Variants in STX1A observed in about 807,000 individuals in gnomAD.
STX1A encodes the protein syntaxin 1A.
In STX1A, 4 loss-of-function variants were observed where a neutral mutation model predicts 37.8. That is an observed-to-expected ratio of 0.11 (90% CI 0.05 to 0.24). The LOEUF (loss-of-function observed/expected upper bound fraction) is 0.24, where lower values mean the gene tolerates loss of function less well. Among genes scored for constraint, STX1A ranks in the 10% least tolerant of loss-of-function variants. The probability of loss-of-function intolerance (pLI) is 1.00; values close to 1 mark genes in which losing one functional copy is unlikely to be tolerated. For missense variants in STX1A, 251 were observed against 399.9 expected (o/e 0.63, Z 3.18); for synonymous variants, 135 against 147.4 (o/e 0.92, Z 0.61).
intron 7 of STX1A, 63 bp from the exon 8 acceptor site, chr7:73,703,045 G>A (rs1186083760): frequency 7.5e-7 from 1 of 1,340,140 alleles, no homozygotes; most frequent in Non-Finnish European, 1.0e-6. Flanking sequence ...AGAGGGCCGA[G>A]GGGGAGGGCG....
In STX1A at chr7:73,704,419, G is replaced by A; in HGVS notation, c.288C>T (p.Ile96=). 6.2e-7 allele frequency: 1 copy of A among 1,614,120 alleles called. No homozygotes were observed. The highest frequency in any genetic ancestry group is 8.5e-7 in the Non-Finnish European group (1 of 1,180,020). ...CTTCCTCTTGCTCGATGGACTGCTC[G>A]ATGCCTGGGGGCACAGGTGGCTGCT... ...ANKVRSKLKS[I]EQSIEQEEGL... The change falls in exon 5 of 10, where the codon ATC becomes ATT. Residue 96 remains isoleucine (I), a synonymous_variant. Coordinates refer to ENST00000222812, the MANE Select transcript of STX1A (RefSeq NM_004603.4).
rs1454578690 is a variant in STX1A, at chr7:73,702,104, T to G, written c.678+741A>C. The stretch of plus-strand genomic sequence containing the variant: ...TCTGTTCCTGAAATAAGTCTGGGTC[T>G]TGCTGGGCTTGGGACCTTAGTGTTG... On this transcript the variant is annotated intron_variant, in intron 8 of 9. Transcript: ENST00000222812. The surrounding 1 kb of genome is among the most constrained non-coding windows in gnomAD (Gnocchi z 4.7). 6.6e-6 allele frequency among the ~76,000 whole-genome samples: 1 copy of G among 152,202 alleles called. No homozygotes were observed. Among genetic ancestry groups the G allele is most frequent in the Non-Finnish European group, 1.5e-5 (1 of 68,024 alleles).
chr7:73,700,627 C>T lies in STX1A; in HGVS notation c.789+103G>A. ...CCTGGGAGGGGGCTGTCATGGGGAG[C>T]TCCTGAGAGAAGGGAGAGAGGTGGG... On this transcript the variant is annotated intron_variant, in intron 9 of 9. Coordinates refer to ENST00000222812, the MANE Select transcript of STX1A (RefSeq NM_004603.4). This position sits in a 1 kb window ranked among gnomAD's most constrained non-coding sequence, Gnocchi z 4.4. 6.6e-7 allele frequency: 1 copy of T among 1,525,450 alleles called. No homozygotes were observed. The allele number at this position is 1,525,450 out of a possible 1,614,324, so 94.5% of individuals were successfully genotyped here.
chr7:73,707,748 A>G (rs1230517225), intron 3 of STX1A, among the ~76,000 whole-genome samples: 1 of 151,680 alleles, frequency 6.6e-6, no homozygotes, highest in Admixed American at 6.6e-5. Context: ...AGCCTGACCA[A>G]TATGGAGAAA....
intron 1 of STX1A, among the ~76,000 whole-genome samples, chr7:73,713,084 C>T (rs1432616573): frequency 2.0e-5 from 3 of 152,164 alleles, no homozygotes; most frequent in African/African-American, 7.2e-5. Flanking sequence ...ATTTGGGGTT[C>T]GAGTGAAGGA....
chr7:73,712,085 G>A lies in STX1A; in HGVS notation c.31-2963C>T, dbSNP rs558609592. On this transcript the variant is annotated intron_variant, in intron 1 of 9. Coordinates refer to ENST00000222812, the MANE Select transcript of STX1A (RefSeq NM_004603.4). ...GGAGATCAGGGCCAGGGTAGATGGG[G>A]GCACGCAGGTCAAGTCTACCCTGGA... 7.2e-5 allele frequency among the ~76,000 whole-genome samples: 11 copies of A among 152,164 alleles called. No individual in the cohort carries two copies. In the South Asian group the frequency reaches 2.3e-3, roughly 32 times the overall value.
chr7:73,714,431 C>T (rs868931495), intron 1 of STX1A, among the ~76,000 whole-genome samples: 2 of 151,874 alleles, frequency 1.3e-5, no homozygotes, highest in African/African-American at 2.4e-5. Flanking sequence ...AACAGAATCT[C>T]GCTTTGTTGT....
chr7:73,703,473 G>C (rs1173701687), intron 7 of STX1A: 3 of 662,030 alleles, frequency 4.5e-6, no homozygotes, highest in Non-Finnish European at 8.4e-6. Context: ...ATGTCCTCCA[G>C]GAGAGGAAAA....
At chr7:73,707,751 T>A (rs1798927126) in intron 3 of STX1A, among the ~76,000 whole-genome samples, 1 of 149,366 alleles carries the variant, frequency 6.7e-6, no homozygotes, top group South Asian at 2.1e-4. Context: ...CTGACCAATA[T>A]GGAGAAACCC....
intron 8 of STX1A, chr7:73,701,159 GAGC>G (rs1425792452): frequency 1.2e-5 from 7 of 588,312 alleles, no homozygotes; most frequent in Non-Finnish European, 2.1e-5. Context: ...AGGAAGGTGG[GAGC>G]AGGAGTGGGT....
intron 2 of STX1A, 43 bp from the exon 3 acceptor site, chr7:73,708,731 A>T: frequency 1.3e-6 from 2 of 1,592,154 alleles, no homozygotes; most frequent in Non-Finnish European, 1.7e-6. Flanking sequence ...AAATCAGGGG[A>T]GAAGCCTTCT....
chr7:73,707,752 G>A (rs2116749134), intron 3 of STX1A, among the ~76,000 whole-genome samples: 1 of 151,480 alleles, frequency 6.6e-6, no homozygotes, highest in African/African-American at 2.4e-5. Context: ...TGACCAATAT[G>A]GAGAAACCCC....
intron 1 of STX1A, among the ~76,000 whole-genome samples, chr7:73,718,969 C>A (rs1229957105): frequency 3.9e-5 from 6 of 151,934 alleles, no homozygotes; most frequent in Non-Finnish European, 2.9e-5. Flanking sequence ...ACGCCCCCCC[C>A]CCCATACCTG....
chr7:73,714,015 G>C (rs1213135941), intron 1 of STX1A, among the ~76,000 whole-genome samples: 13 of 152,092 alleles, frequency 8.5e-5, no homozygotes, highest in Non-Finnish European at 1.6e-4. Flanking sequence ...CCCATCCTCT[G>C]AACTGCCTAG....
At position 73,709,425 on chromosome 7, in the gene STX1A, G is replaced by A. The variant is rs1554617636; in HGVS notation, c.31-303C>T. Among the ~76,000 whole-genome samples, 1 of 152,106 alleles carries A rather than the reference G, an allele frequency of 6.6e-6. No individual in the cohort carries two copies. The highest frequency in any genetic ancestry group is 2.4e-5 in the African/African-American group (1 of 41,408). On this transcript the variant is annotated intron_variant, in intron 1 of 9. Coordinates refer to ENST00000222812, the MANE Select transcript of STX1A (RefSeq NM_004603.4). The surrounding 1 kb of genome is among the most constrained non-coding windows in gnomAD (Gnocchi z 4.2). The stretch of plus-strand genomic sequence containing the variant: ...CTGCCCCCTCCCTGTGGCTGGGGAG[G>A]CAAGCGAGCCTGGGGCCGGCCGCTC...
Position 73,700,777 on chromosome 7 carries a change from C to G in STX1A, c.742G>C (p.Val248Leu), listed in dbSNP as rs782801540. ...TTGACGGCCTTCTTGGTGTCAGACA[C>G]GGCCCTCTCCACATAGTCTACCGCG... ...EHAVDYVERA[V>L]SDTKKAVKYQ... Residue 248 changes from valine (V) to leucine (L), a missense_variant, in exon 9 of 10, where the codon GTG becomes CTG. Around this residue, in one of 2 missense-constraint regions of STX1A, gnomAD observed 214 missense variants for 367.6 expected, o/e 0.58. Transcript: ENST00000222812. This position sits in a 1 kb window ranked among gnomAD's most constrained non-coding sequence, Gnocchi z 4.4. The G allele has an allele frequency of 1.2e-6, 2 of 1,613,738 alleles. No individual in the cohort carries two copies. The highest frequency in any genetic ancestry group is 2.7e-5 in the African/African-American group (2 of 74,866).
At chr7:73,714,765 T>C (rs1799230747) in intron 1 of STX1A, among the ~76,000 whole-genome samples, 2 of 36,622 alleles carry the variant, frequency 5.5e-5, no homozygotes, top group Non-Finnish European at 1.1e-4. Flanking sequence ...CCAGAATCCT[T>C]TGGGGGGGTT....
Position 73,709,005 on chromosome 7 carries a change from C to A in STX1A, c.108+40G>T. ...AGAGGCGAGAGTGGCCCCCCAAGTTCTGCCAGTGTGCGGGAAGGGTGGGGT... is the reference window on the plus strand; with the variant it reads ...AGAGGCGAGAGTGGCCCCCCAAGTTATGCCAGTGTGCGGGAAGGGTGGGGT... On this transcript the variant is annotated intron_variant, in intron 2 of 9. Coordinates refer to ENST00000222812, the MANE Select transcript of STX1A (RefSeq NM_004603.4). This position sits in a 1 kb window ranked among gnomAD's most constrained non-coding sequence, Gnocchi z 4.2. 2 of 1,610,324 alleles carry A rather than the reference C, an allele frequency of 1.2e-6. No homozygotes were observed. Among genetic ancestry groups the A allele is most frequent in the South Asian group, 2.2e-5 (2 of 90,996 alleles).
At position 73,709,531 on chromosome 7, in the gene STX1A, TACAC is replaced by T. The variant is rs1160218328; in HGVS notation, c.31-413_31-410del. ...TCTCTACTCTCCTGGCCCTGTGGTTTACACACACACACACAAACACATACACACA... is the reference window on the plus strand; with the variant it reads ...TCTCTACTCTCCTGGCCCTGTGGTTTACACACACACAAACACATACACACA... On this transcript the variant is annotated intron_variant, in intron 1 of 9. Transcript: ENST00000222812. The surrounding 1 kb of genome is among the most constrained non-coding windows in gnomAD (Gnocchi z 4.2). Among the ~76,000 whole-genome samples the T allele has an allele frequency of 5.9e-5, 9 of 151,758 alleles. No homozygotes were observed. Among genetic ancestry groups the T allele is most frequent in the Admixed American group, 1.3e-4 (2 of 15,234 alleles).
Sources: allele counts gnomAD v4.1 joint callset (sites outside exome capture counted in the v4.1 genomes callset), GRCh38; gene constraint gnomAD v4.1.1; regional missense constraint gnomAD v4.1.1; non-coding constraint Gnocchi (gnomAD v3.1); transcripts MANE v1.5; gene names NCBI Gene and HGNC (gene_info 2026-07-23, HGNC 2026-07-21).